TENM3: variants seen among roughly 807,000 people sequenced by gnomAD.
TENM3 encodes the protein teneurin-3.
A neutral mutation model predicts 255.1 loss-of-function variants in TENM3; 63 were observed. The ratio of observed to expected loss-of-function variants is 0.25; its 90% CI spans 0.20 to 0.30. The LOEUF (loss-of-function observed/expected upper bound fraction) is 0.30, where lower values mean the gene tolerates loss of function less well. Ranked by LOEUF, TENM3 falls within the 10% of genes least tolerant of loss-of-function variation. The pLI is 1.00. For missense variants in TENM3, 2,929 were observed against 3,461.1 expected, an observed-to-expected ratio of 0.85 and a Z score of 3.86; for synonymous variants, 1,306 against 1,322.3, an observed-to-expected ratio of 0.99 and a Z score of 0.27.
At chr4:181,692,686 G>T in the TENM3 span, among the ~76,000 whole-genome samples, 1 of 152,170 alleles carries the variant, frequency 6.6e-6, no homozygotes, top group Admixed American at 6.6e-5. Context: ...TAATACCAAA[G>T]AGCCTAGGCA....
chr4:181,881,586 CT>C, the TENM3 span, among the ~76,000 whole-genome samples: 6 of 152,186 alleles, frequency 3.9e-5, no homozygotes, highest in East Asian at 9.7e-4. Flanking sequence ...TGAAATTGAT[CT>C]TTGTTTTTGA....
intron 3 of TENM3, among the ~76,000 whole-genome samples, chr4:182,372,133 G>A (rs1342748951): frequency 6.6e-6 from 1 of 152,166 alleles, no homozygotes; most frequent in Admixed American, 6.5e-5. Flanking sequence ...GAAGACAGCT[G>A]TTGGGGAATA....
the TENM3 span, among the ~76,000 whole-genome samples, chr4:181,897,008 G>A: frequency 1.3e-5 from 2 of 152,116 alleles, no homozygotes; most frequent in Non-Finnish European, 2.9e-5. Flanking sequence ...TGCAGCCTTT[G>A]TTGTCCATCC....
chr4:182,755,733 G>A (rs535847236), intron 22 of TENM3, among the ~76,000 whole-genome samples: 245 of 152,138 alleles, frequency 1.6e-3, no homozygotes, highest in African/African-American at 5.7e-3. Context: ...CCAGCTACTC[G>A]GGAGGCTGAG....
chr4:181,977,684 C>A, the TENM3 span, among the ~76,000 whole-genome samples: 1 of 152,168 alleles, frequency 6.6e-6, no homozygotes, highest in African/African-American at 2.4e-5. Context: ...TTGAGGGCCT[C>A]TTCTTCACAA....
chr4:181,668,025 G>T, the TENM3 span, among the ~76,000 whole-genome samples: 2 of 152,184 alleles, frequency 1.3e-5, no homozygotes, highest in Non-Finnish European at 2.9e-5. Flanking sequence ...GTATGCGCTA[G>T]AACATAAGCA....
rs73872435 is a variant in TENM3, at chr4:182,559,579, G to C, written c.512-41345G>C. 6.8e-3 allele frequency among the ~76,000 whole-genome samples: 1,038 copies of C among 152,148 alleles called. 14 individuals carry two copies. Among genetic ancestry groups the C allele is most frequent in the African/African-American group, 0.024 (979 of 41,526 alleles). On this transcript the variant is annotated intron_variant, in intron 3 of 27. Transcript: ENST00000511685. ...TGAGAGCTGAATTGAGAAGAAAAAT[G>C]CTTACCTTATGCAAGCACCCTGTAA...
intron 4 of TENM3, among the ~76,000 whole-genome samples, chr4:182,620,235 T>C (rs1441353145): frequency 6.6e-6 from 1 of 152,208 alleles, no homozygotes; most frequent in Non-Finnish European, 1.5e-5. Flanking sequence ...CTACTCTCCA[T>C]ATAGCCGAAT....
Position 182,787,531 on chromosome 4 carries a change from C to T in TENM3, c.5305-1562C>T, listed in dbSNP as rs573153347. On this transcript the variant is annotated intron_variant, in intron 24 of 27. Coordinates refer to ENST00000511685, the MANE Select transcript of TENM3 (RefSeq NM_001080477.4). The stretch of plus-strand genomic sequence containing the variant: ...GGTGGATCACCTGAGGTCAGGAGTT[C>T]GAGACCAGCCTGGCCAACATGGTGA... Among the ~76,000 whole-genome samples, 415 of 152,006 alleles carry T rather than the reference C, an allele frequency of 2.7e-3. 16 individuals carry two copies. The highest frequency in any genetic ancestry group is 0.024 in the Admixed American group (372 of 15,252).
chr4:182,157,253 C>T (rs1310981550), intron 1 of TENM3, among the ~76,000 whole-genome samples: 1 of 152,154 alleles, frequency 6.6e-6, no homozygotes, highest in Non-Finnish European at 1.5e-5. Flanking sequence ...TTATCCTTTC[C>T]CCCCAACCCA....
chr4:181,787,907 G>A, the TENM3 span, among the ~76,000 whole-genome samples: 2 of 152,188 alleles, frequency 1.3e-5, no homozygotes, highest in South Asian at 2.1e-4. Context: ...AGACTGAGGC[G>A]GAACTTGAGC....
chr4:182,491,789 T>A (rs2309731), intron 3 of TENM3, among the ~76,000 whole-genome samples: 1 of 152,022 alleles, frequency 6.6e-6, no homozygotes, highest in Non-Finnish European at 1.5e-5. Flanking sequence ...TGCAATAGTA[T>A]TGCATTACAC....
At chr4:181,543,258 T>C in the TENM3 span, among the ~76,000 whole-genome samples, 1 of 152,090 alleles carries the variant, frequency 6.6e-6, no homozygotes, top group African/African-American at 2.4e-5. Flanking sequence ...AGACTGGGGA[T>C]CTTTGGTCAC....
chr4:182,255,092 T>G (rs1390137659), intron 1 of TENM3, among the ~76,000 whole-genome samples: 1 of 152,226 alleles, frequency 6.6e-6, no homozygotes, highest in Non-Finnish European at 1.5e-5. Flanking sequence ...GTTTCTACCC[T>G]AAATTTTCAG....
chr4:181,586,867 C>G, the TENM3 span, among the ~76,000 whole-genome samples: 247 of 151,524 alleles, frequency 1.6e-3, 2 homozygotes, highest in Non-Finnish European at 2.8e-3. Flanking sequence ...AACAAACAAA[C>G]AAACAAACAA....
Position 182,693,000 on chromosome 4 carries a change from T to C in TENM3, c.2221+4649T>C, listed in dbSNP as rs570696320. Among the ~76,000 whole-genome samples, 3 of 152,338 alleles carry C rather than the reference T, an allele frequency of 2.0e-5. No individual in the cohort carries two copies. In the South Asian group the frequency reaches 6.2e-4, roughly 32 times the overall value. On this transcript the variant is annotated intron_variant, in intron 12 of 27. Transcript: ENST00000511685. Reference sequence around the variant, plus strand: ...GCTTTATTTGGAAAACTACTAGATTTAAACATGGGGTTCTCTTTTTATCTC... The same window carrying C: ...GCTTTATTTGGAAAACTACTAGATTCAAACATGGGGTTCTCTTTTTATCTC...
chr4:181,773,369 C>T, the TENM3 span, among the ~76,000 whole-genome samples: 8 of 152,116 alleles, frequency 5.3e-5, no homozygotes, highest in South Asian at 2.1e-4. Flanking sequence ...TTGCAGAATC[C>T]GATCAGTATT....
intron 2 of TENM3, among the ~76,000 whole-genome samples, chr4:182,345,468 A>G (rs564792890): frequency 2.6e-5 from 4 of 152,342 alleles, no homozygotes; most frequent in African/African-American, 9.6e-5. Context: ...AATGCTTAAT[A>G]TACTTAAAAG....
At chr4:182,101,613 G>A in the TENM3 span, among the ~76,000 whole-genome samples, 1 of 152,122 alleles carries the variant, frequency 6.6e-6, no homozygotes, top group African/African-American at 2.4e-5. Context: ...CAGAGGCAGG[G>A]GGGATGATGG....
Sources: gnomAD v4.1 joint callset for allele counts (sites outside exome capture counted in the v4.1 genomes callset) on GRCh38, gnomAD v4.1.1 for gene constraint, MANE v1.5 for transcripts, NCBI Gene and HGNC (gene_info 2026-07-23, HGNC 2026-07-21) for gene names.